Variants in PLCG2 observed in about 807,000 individuals in gnomAD.
PLCG2 encodes phospholipase C gamma 2.
Under a neutral mutation model 175.6 loss-of-function variants are expected in PLCG2, and 69 were observed. The observed-to-expected ratio is 0.39, with a 90% CI of 0.32 to 0.48. The LOEUF (loss-of-function observed/expected upper bound fraction) is 0.48. Among genes scored for constraint, PLCG2 ranks in the 20% least tolerant of loss-of-function variants. The probability of loss-of-function intolerance (pLI) is 0.91; values close to 1 mark genes in which losing one functional copy is unlikely to be tolerated. For missense variants in PLCG2, 1,798 were observed against 1,650.9 expected (o/e 1.09, Z -1.54); for synonymous variants, 827 against 624.0 (o/e 1.33, Z -4.85).
chr16:81,937,797 A>C lies in PLCG2; in HGVS notation c.3092A>C (p.Asn1031Thr). Residue 1031 changes from asparagine to threonine, a missense_variant, in exon 28 of 33, where the codon AAT (asparagine) becomes ACT (threonine). Transcript: ENST00000564138. ...ATGAATCACGCATTGTTTTCTCTCAATGGGCGCACGGGCTACGTTCTGCAG... is the reference window on the plus strand; with the variant it reads ...ATGAATCACGCATTGTTTTCTCTCACTGGGCGCACGGGCTACGTTCTGCAG... ...MQMNHALFSL[N>T]GRTGYVLQPE... 6.2e-7 allele frequency: 1 copy of C among 1,614,044 alleles called. No homozygotes were observed. The highest frequency in any genetic ancestry group is 8.5e-7 in the Non-Finnish European group (1 of 1,179,922).
intron 2 of PLCG2, among the ~76,000 whole-genome samples, chr16:81,816,053 C>G (rs1904530762): frequency 2.2e-5 from 2 of 91,728 alleles, no homozygotes; most frequent in African/African-American, 8.1e-5. Flanking sequence ...CAGAGCATGA[C>G]TTCATCTTTA....
At position 81,786,359 on chromosome 16, in the gene PLCG2, G is replaced by A. The variant is rs564114306; in HGVS notation, c.193+177G>A. On this transcript the variant is annotated intron_variant, in intron 2 of 32. Coordinates refer to ENST00000564138, the MANE Select transcript of PLCG2 (RefSeq NM_002661.5). ...GGATCTCTGATGAGGTTTACACCAG[G>A]TGGAGGAAGTTCAGCTGGGAAAACT... is the stretch of plus-strand genomic sequence containing the variant. Among the ~76,000 whole-genome samples the A allele has an allele frequency of 4.2e-5, 6 of 142,692 alleles. No individual in the cohort carries two copies. In the South Asian group the frequency reaches 1.1e-3, roughly 27 times the overall value. The allele number at this position is 142,692 out of a possible 152,430, so 93.6% of individuals were successfully genotyped here.
At chr16:81,766,008 A>G (rs1471065183) in intron 2 of PLCG2, among the ~76,000 whole-genome samples, 1 of 151,964 alleles carries the variant, frequency 6.6e-6, no homozygotes, top group Non-Finnish European at 1.5e-5. Context: ...TTGCTTGGGT[A>G]TTTTTTTACT....
intron 2 of PLCG2, among the ~76,000 whole-genome samples, chr16:81,789,442 A>G (rs1348443860): frequency 1.3e-5 from 2 of 152,084 alleles, no homozygotes; most frequent in Non-Finnish European, 2.9e-5. Context: ...GGTGAGTGCC[A>G]CCATGCCTGG....
At chr16:81,770,892 A>C (rs1567454893) in intron 2 of PLCG2, among the ~76,000 whole-genome samples, 1 of 151,788 alleles carries the variant, frequency 6.6e-6, no homozygotes, top group Non-Finnish European at 1.5e-5. Context: ...TCCCATCTCT[A>C]CTAAAAAAAC....
chr16:81,818,397 G>A (rs1268281659), intron 2 of PLCG2, among the ~76,000 whole-genome samples: 1 of 152,232 alleles, frequency 6.6e-6, no homozygotes, highest in Non-Finnish European at 1.5e-5. Flanking sequence ...CTCTTTGAAA[G>A]GGGGCTGTTT....
chr16:81,944,478 T>TAG (rs1911073244), intron 30 of PLCG2, among the ~76,000 whole-genome samples: 1 of 152,168 alleles, frequency 6.6e-6, no homozygotes, highest in South Asian at 2.1e-4. Context: ...ATTAATTATT[T>TAG]AGAGACAAGG....
At chr16:81,941,268 T>C (rs894166081) in intron 30 of PLCG2, among the ~76,000 whole-genome samples, 1 of 152,210 alleles carries the variant, frequency 6.6e-6, no homozygotes, top group Non-Finnish European at 1.5e-5. Flanking sequence ...GGCTCACTCC[T>C]GTAATCATAA....
intron 30 of PLCG2, among the ~76,000 whole-genome samples, chr16:81,943,810 C>T (rs1911048646): frequency 6.6e-6 from 1 of 152,166 alleles, no homozygotes; most frequent in Non-Finnish European, 1.5e-5. Context: ...AACTTCTTTA[C>T]AGCAGTATAT....
chr16:81,851,362 C>T (rs1044092787), intron 2 of PLCG2, among the ~76,000 whole-genome samples: 2 of 152,184 alleles, frequency 1.3e-5, no homozygotes, highest in Non-Finnish European at 2.9e-5. Context: ...CCATTTTTTA[C>T]ATACACTCCG....
chr16:81,870,652 T>C (rs967349616), intron 6 of PLCG2, among the ~76,000 whole-genome samples, 200 bp from the exon 7 acceptor site: 2 of 152,356 alleles, frequency 1.3e-5, no homozygotes, highest in East Asian at 3.9e-4. Context: ...TTAGCCAATG[T>C]TGTAGAAAAG....
chr16:81,891,964 C>T (rs1350473168), intron 11 of PLCG2, among the ~76,000 whole-genome samples: 3 of 152,092 alleles, frequency 2.0e-5, no homozygotes, highest in South Asian at 2.1e-4. Context: ...GAGTGTGTAC[C>T]CTGTGCCTGC....
chr16:81,833,880 C>T (rs1016715160), intron 2 of PLCG2, among the ~76,000 whole-genome samples: 5 of 152,118 alleles, frequency 3.3e-5, no homozygotes, highest in African/African-American at 7.2e-5. Context: ...TTGCCTTTGG[C>T]GATGGGAGTG....
chr16:81,802,664 C>G (rs1911785879), intron 2 of PLCG2, among the ~76,000 whole-genome samples: 3 of 151,648 alleles, frequency 2.0e-5, no homozygotes, highest in Non-Finnish European at 4.4e-5. Context: ...CTCTGCCTCC[C>G]AGGTTCAAGC....
intron 2 of PLCG2, among the ~76,000 whole-genome samples, chr16:81,816,453 T>A (rs1904551140): frequency 6.7e-6 from 1 of 150,164 alleles, no homozygotes; most frequent in African/African-American, 2.5e-5. Flanking sequence ...ACCTGGCAAG[T>A]CTGAGAAGGA....
Position 81,784,904 on chromosome 16 carries a change from T to A in PLCG2, c.-47-1039T>A, listed in dbSNP as rs1339400235. On this transcript the variant is annotated intron_variant, in intron 1 of 32. Coordinates refer to ENST00000564138, the MANE Select transcript of PLCG2 (RefSeq NM_002661.5). ...GGGCAGGCAATGTGTTTCTGGGGAT[T>A]TGGGAGGCAGAATGAGGGAATGGTA... 2.0e-5 allele frequency among the ~76,000 whole-genome samples: 3 copies of A among 152,060 alleles called. No homozygotes were observed. In the East Asian group the frequency reaches 5.8e-4, roughly 29 times the overall value.
At chr16:81,869,138 G>A in intron 5 of PLCG2, 76 bp from the exon 6 acceptor site, 1 of 1,062,874 alleles carries the variant, frequency 9.4e-7, no homozygotes. Flanking sequence ...CCTGAGGTGG[G>A]AACTGATGGG....
At chr16:81,852,252 A>G (rs912137594) in intron 2 of PLCG2, 1 of 152,200 alleles carries the variant, frequency 6.6e-6, no homozygotes, top group Non-Finnish European at 1.5e-5. Context: ...TCCTGGCCAA[A>G]TAAGTCCCAG....
intron 30 of PLCG2, among the ~76,000 whole-genome samples, chr16:81,945,490 C>T (rs10459875): frequency 1.1e-3 from 172 of 152,182 alleles, no homozygotes; most frequent in Non-Finnish European, 1.3e-3. Flanking sequence ...TGGGAGTGAC[C>T]GTTCTGTTTC....
Sources: allele counts gnomAD v4.1 joint callset (sites outside exome capture counted in the v4.1 genomes callset), GRCh38; gene constraint gnomAD v4.1.1; transcripts MANE v1.5; gene names NCBI Gene and HGNC (gene_info 2026-07-23, HGNC 2026-07-21).